Variants in RBMS3 observed in about 807,000 individuals in gnomAD.
RBMS3 encodes RNA-binding motif, single-stranded-interacting protein 3.
Under a neutral mutation model 66.8 loss-of-function variants are expected in RBMS3, and 27 were observed. The observed-to-expected ratio is 0.40, with a 90% CI of 0.30 to 0.56. RBMS3 has a LOEUF of 0.56. Ranked by LOEUF, RBMS3 falls within the 20% of genes least tolerant of loss-of-function variation. The pLI is 0.40. For missense variants in RBMS3, 513 were observed against 549.5 expected (o/e 0.93, Z 0.66); for synonymous variants, 188 against 183.0 (o/e 1.03, Z -0.22).
At chr3:29,771,815 A>G (rs961056785) in intron 6 of RBMS3, among the ~76,000 whole-genome samples, 14 of 151,946 alleles carry the variant, frequency 9.2e-5, no homozygotes, top group Non-Finnish European at 1.9e-4. Context: ...GGAGGAAGAG[A>G]GTGAAGGAGG....
At chr3:29,926,414 A>C (rs2060939836) in intron 10 of RBMS3, among the ~76,000 whole-genome samples, 1 of 152,212 alleles carries the variant, frequency 6.6e-6, no homozygotes, top group Non-Finnish European at 1.5e-5. Context: ...CTACTTTCTT[A>C]GTAATAGCCA....
At chr3:29,685,871 A>C (rs1468400176) in intron 4 of RBMS3, among the ~76,000 whole-genome samples, 1 of 152,146 alleles carries the variant, frequency 6.6e-6, no homozygotes, top group African/African-American at 2.4e-5. Context: ...CTTCTGCACC[A>C]CTGCTGCCAC....
chr3:29,968,866 C>A (rs1274139929), intron 12 of RBMS3, among the ~76,000 whole-genome samples: 1 of 152,176 alleles, frequency 6.6e-6, no homozygotes, highest in Non-Finnish European at 1.5e-5. Flanking sequence ...TTCCGTCCAC[C>A]ATGATACCTG....
chr3:29,842,637 C>A (rs992942578), intron 6 of RBMS3, among the ~76,000 whole-genome samples: 5 of 152,100 alleles, frequency 3.3e-5, no homozygotes, highest in African/African-American at 1.2e-4. Context: ...ATCTCCAGAA[C>A]GTGTGAATAT....
intron 1 of RBMS3, among the ~76,000 whole-genome samples, chr3:29,330,598 C>T (rs1158310935): frequency 6.6e-6 from 1 of 152,110 alleles, no homozygotes; most frequent in Non-Finnish European, 1.5e-5. Flanking sequence ...ATTCCACAGC[C>T]TCCCTTGGCA....
intron 5 of RBMS3, among the ~76,000 whole-genome samples, chr3:29,749,837 G>C (rs2055093241): frequency 6.6e-6 from 1 of 152,072 alleles, no homozygotes; most frequent in African/African-American, 2.4e-5. Flanking sequence ...AAAATTACCA[G>C]TGTTCAATGT....
intron 5 of RBMS3, among the ~76,000 whole-genome samples, chr3:29,757,676 A>C (rs892337086): frequency 2.0e-5 from 3 of 152,232 alleles, no homozygotes; most frequent in African/African-American, 7.2e-5. Flanking sequence ...TGATTTTAAA[A>C]GCTTCTTATT....
rs879597488 is a variant in RBMS3, at chr3:29,972,328, C to A, written c.1099-15815C>A. Among the ~76,000 whole-genome samples the A allele has an allele frequency of 9.2e-5, 14 of 152,154 alleles. No homozygotes were observed. In the South Asian group the frequency reaches 1.0e-3, roughly 11 times the overall value. On this transcript the variant is annotated intron_variant, in intron 12 of 14. Coordinates refer to ENST00000383767, the MANE Select transcript of RBMS3 (RefSeq NM_001003793.3). Reference sequence around the variant, plus strand: ...AGTAGTACCATTTAATTGTTTCCCTCTAAATATGCACAGTTCCCAGAGGTA... The same window carrying A: ...AGTAGTACCATTTAATTGTTTCCCTATAAATATGCACAGTTCCCAGAGGTA...
At chr3:29,994,631 C>A (rs1699096788) in intron 14 of RBMS3, among the ~76,000 whole-genome samples, 1 of 152,234 alleles carries the variant, frequency 6.6e-6, no homozygotes, top group Non-Finnish European at 1.5e-5. Context: ...CCCCGAGCAG[C>A]CTAACTGGGA....
chr3:29,524,415 ATT>A (rs1222102515), intron 3 of RBMS3, among the ~76,000 whole-genome samples: 1,228 of 56,934 alleles, frequency 0.022, 12 homozygotes, highest in African/African-American at 0.087. Flanking sequence ...CTCCCTTTAC[ATT>A]TTTTTTTTTT....
chr3:29,338,902 A>C (rs931278505), intron 1 of RBMS3, among the ~76,000 whole-genome samples: 2 of 152,196 alleles, frequency 1.3e-5, no homozygotes, highest in African/African-American at 4.8e-5. Context: ...GTGGAACAGC[A>C]TCATCAATTT....
At chr3:29,654,520 TCGTG>T (rs1393985683) in intron 4 of RBMS3, among the ~76,000 whole-genome samples, 3 of 109,182 alleles carry the variant, frequency 2.7e-5, no homozygotes, top group African/African-American at 7.5e-5. Flanking sequence ...TGAATTGGAT[TCGTG>T]TGTGTGTGTG....
At chr3:29,660,271 A>C (rs931377636) in intron 4 of RBMS3, among the ~76,000 whole-genome samples, 2 of 144,154 alleles carry the variant, frequency 1.4e-5, no homozygotes, top group Non-Finnish European at 2.9e-5. Context: ...TCATCTTGCT[A>C]TATTAAAATT....
At chr3:29,979,394 A>G (rs1439976539) in intron 12 of RBMS3, among the ~76,000 whole-genome samples, 1 of 152,160 alleles carries the variant, frequency 6.6e-6, no homozygotes, top group East Asian at 1.9e-4. Flanking sequence ...CTAAAACAAA[A>G]TGCAGATGGA....
intron 6 of RBMS3, among the ~76,000 whole-genome samples, chr3:29,864,474 A>C (rs1316991201): frequency 2.0e-5 from 3 of 152,264 alleles, no homozygotes; most frequent in Non-Finnish European, 2.9e-5. Context: ...GATCTTTTCC[A>C]TCAACACATC....
intron 1 of RBMS3, among the ~76,000 whole-genome samples, chr3:29,330,226 C>T (rs2035573550): frequency 2.6e-5 from 4 of 152,086 alleles, no homozygotes; most frequent in Admixed American, 2.0e-4. Flanking sequence ...ATTGCGGTCT[C>T]TATTTCTCCA....
chr3:29,750,343 G>A (rs577286821), intron 5 of RBMS3, among the ~76,000 whole-genome samples: 29 of 152,210 alleles, frequency 1.9e-4, no homozygotes, highest in African/African-American at 6.0e-4. Flanking sequence ...AAAGTAAAAC[G>A]ATAATTGTCT....
At chr3:29,369,528 A>ACACACG (rs2038086123) in intron 1 of RBMS3, among the ~76,000 whole-genome samples, 2 of 132,542 alleles carry the variant, frequency 1.5e-5, no homozygotes, top group South Asian at 4.7e-4. Flanking sequence ...ACACACACAC[A>ACACACG]CACACTTTGA....
chr3:29,691,850 A>G (rs895705138), intron 4 of RBMS3, among the ~76,000 whole-genome samples: 15 of 151,860 alleles, frequency 9.9e-5, no homozygotes, highest in Non-Finnish European at 1.2e-4. Context: ...TTTGCTCCCA[A>G]TAGTTTATGT....
Sources: gnomAD v4.1 joint callset for allele counts (sites outside exome capture counted in the v4.1 genomes callset) on GRCh38, gnomAD v4.1.1 for gene constraint, MANE v1.5 for transcripts, NCBI Gene and HGNC (gene_info 2026-07-23, HGNC 2026-07-21) for gene names.